Variants in SV2B observed in about 807,000 individuals in gnomAD.
The protein encoded by SV2B is solute carrier family 22 member B2.
In SV2B, 41 loss-of-function variants were observed where a neutral mutation model predicts 73.9. The observed-to-expected ratio is 0.56, with a 90% CI of 0.43 to 0.72. The LOEUF (loss-of-function observed/expected upper bound fraction) is 0.72. Among genes scored for constraint, SV2B ranks in the 30% least tolerant of loss-of-function variants. The pLI, the probability that SV2B is intolerant of heterozygous loss-of-function variation, is 0.00. For missense variants in SV2B, 764 were observed against 857.8 expected (o/e 0.89, Z 1.37); for synonymous variants, 314 against 314.2 (o/e 1.00, Z 0.01).
In SV2B at chr15:91,234,369, G is replaced by A. The variant is rs552610433; in HGVS notation, c.451+7655G>A. Among the ~76,000 whole-genome samples, 5 of 152,176 alleles carry A rather than the reference G, an allele frequency of 3.3e-5. No homozygotes were observed. Among genetic ancestry groups the A allele is most frequent in the Non-Finnish European group, 7.3e-5 (5 of 68,030 alleles). On this transcript the variant is annotated intron_variant, in intron 2 of 12. Transcript: ENST00000394232. This position sits in a 1 kb window ranked among gnomAD's most constrained non-coding sequence, Gnocchi z 5.6. ...TTACAGTGTGGACTGTAGTCATGGAGTTGCAATACCTAAATGCAGTGGGAA... is the reference window on the plus strand; with the variant it reads ...TTACAGTGTGGACTGTAGTCATGGAATTGCAATACCTAAATGCAGTGGGAA...
At chr15:91,255,557 A>G (rs2047655571) in intron 4 of SV2B, among the ~76,000 whole-genome samples, 2 of 152,164 alleles carry the variant, frequency 1.3e-5, no homozygotes, top group Admixed American at 6.5e-5. Context: ...AAATCTCACA[A>G]ATCACCACTA....
chr15:91,269,992 A>G (rs2048240134), intron 9 of SV2B, among the ~76,000 whole-genome samples: 1 of 152,172 alleles, frequency 6.6e-6, no homozygotes, highest in African/African-American at 2.4e-5. Flanking sequence ...CAGTTCCCCC[A>G]AGATGTTTCA....
At chr15:91,153,893 T>G (rs80024110) in intron 1 of SV2B, among the ~76,000 whole-genome samples, 1 of 152,208 alleles carries the variant, frequency 6.6e-6, no homozygotes, top group East Asian at 1.9e-4. Flanking sequence ...AGGCAGGCCA[T>G]GCTGAGGTGT....
rs1399902869 is a variant in SV2B at position 91,245,642 on chromosome 15, G to A, written c.452-6177G>A. On this transcript the variant is annotated intron_variant, in intron 2 of 12. Transcript: ENST00000394232. The surrounding 1 kb of genome is among the most constrained non-coding windows in gnomAD (Gnocchi z 4.2). The stretch of plus-strand genomic sequence containing the variant: ...ATCTCTGTGCTAGAGACACAGTGTC[G>A]AACTCTCCTCAAGCAAAATCAACAT... 6.6e-6 allele frequency among the ~76,000 whole-genome samples: 1 copy of A among 152,086 alleles called. No individual in the cohort carries two copies. The highest frequency in any genetic ancestry group is 1.5e-5 in the Non-Finnish European group (1 of 68,030).
intron 1 of SV2B, among the ~76,000 whole-genome samples, chr15:91,163,267 G>T (rs1239467136): frequency 6.6e-6 from 1 of 152,200 alleles, no homozygotes; most frequent in Admixed American, 6.5e-5. Context: ...TTAACCCTTT[G>T]GGTGTGTACC....
upstream of SV2B, chr15:91,099,845 AAGGGCATGTGG>A (rs1567249859): frequency 6.6e-6 from 1 of 152,232 alleles, no homozygotes; most frequent in Non-Finnish European, 1.5e-5. Flanking sequence ...GAGTGGGTGG[AAGGGCATGTGG>A]AGTCCACAGC....
At chr15:91,266,067 T>C (rs2048089702) in intron 6 of SV2B, among the ~76,000 whole-genome samples, 1 of 152,134 alleles carries the variant, frequency 6.6e-6, no homozygotes. Context: ...CGTTTGAACC[T>C]GGGAGGCAGA....
intron 1 of SV2B, among the ~76,000 whole-genome samples, chr15:91,165,138 A>T (rs550241539): frequency 2.6e-5 from 4 of 152,018 alleles, no homozygotes; most frequent in Non-Finnish European, 4.4e-5. Context: ...GGAGTTTGAG[A>T]CCAGCCTGGC....
chr15:91,118,170 T>C lies in SV2B; in HGVS notation c.-392+17807T>C, dbSNP rs575670629. On this transcript the variant is annotated intron_variant, in intron 1 of 12. Transcript: ENST00000394232. This position sits in a 1 kb window ranked among gnomAD's most constrained non-coding sequence, Gnocchi z 4.7. ...AAAGGGCCTCCAAGAGACTCCCTTATGGGGAGTGGAGATGCTTGCAAAAAG... is the reference window on the plus strand; with the variant it reads ...AAAGGGCCTCCAAGAGACTCCCTTACGGGGAGTGGAGATGCTTGCAAAAAG... Among the ~76,000 whole-genome samples the C allele has an allele frequency of 2.3e-4, 35 of 152,266 alleles. No individual in the cohort carries two copies. The South Asian group carries it at 7.2e-3, about 32-fold the overall frequency.
At chr15:91,291,270 A>G (rs1319217308) in intron 12 of SV2B, among the ~76,000 whole-genome samples, 1 of 151,970 alleles carries the variant, frequency 6.6e-6, no homozygotes, top group Non-Finnish European at 1.5e-5. Context: ...AGTTTATTTA[A>G]AAAAGGACAT....
chr15:91,115,844 C>G lies in SV2B; in HGVS notation c.-392+15481C>G, dbSNP rs1224103293. Among the ~76,000 whole-genome samples the G allele has an allele frequency of 6.6e-6, 1 of 152,110 alleles. No homozygotes were observed. Among genetic ancestry groups the G allele is most frequent in the African/African-American group, 2.4e-5 (1 of 41,412 alleles). Reference sequence around the variant, plus strand: ...TATTTATTCAGCAAATGTTTATTGACTTCTCATTGTGTTAGGCATCAGAGT... The same window carrying G: ...TATTTATTCAGCAAATGTTTATTGAGTTCTCATTGTGTTAGGCATCAGAGT... On this transcript the variant is annotated intron_variant, in intron 1 of 12. Transcript: ENST00000394232. The surrounding 1 kb of genome is among the most constrained non-coding windows in gnomAD (Gnocchi z 4.3).
At chr15:91,113,382 C>T (rs1470304252) in intron 1 of SV2B, among the ~76,000 whole-genome samples, 1 of 152,216 alleles carries the variant, frequency 6.6e-6, no homozygotes, top group African/African-American at 2.4e-5. Flanking sequence ...CAACTACACA[C>T]ATCTTAGAGT....
chr15:91,251,647 C>T (rs1416009877), intron 2 of SV2B, among the ~76,000 whole-genome samples, 172 bp from the exon 3 acceptor site: 1 of 152,238 alleles, frequency 6.6e-6, no homozygotes, highest in Non-Finnish European at 1.5e-5. Context: ...TGTAAAAAGT[C>T]ATATTTGTAT....
intron 1 of SV2B, among the ~76,000 whole-genome samples, chr15:91,102,544 A>G (rs140862620): frequency 3.9e-5 from 6 of 152,314 alleles, no homozygotes; most frequent in African/African-American, 1.4e-4. Context: ...CCATTGCTCT[A>G]TGTGTGGAGA....
Position 91,251,226 on chromosome 15 carries a change from C to T in SV2B, c.452-593C>T, listed in dbSNP as rs61434734. Among the ~76,000 whole-genome samples, 546 of 152,276 alleles carry T rather than the reference C, an allele frequency of 3.6e-3. 1 individual carries two copies. The highest frequency in any genetic ancestry group is 0.012 in the African/African-American group (508 of 41,574). On this transcript the variant is annotated intron_variant, in intron 2 of 12. Coordinates refer to ENST00000394232, the MANE Select transcript of SV2B (RefSeq NM_001323032.3). The stretch of plus-strand genomic sequence containing the variant: ...GAAAAACAGTCTCTTCAATAAATTG[C>T]GTTGAGAAAACTGGATATTACATGC...
intron 2 of SV2B, among the ~76,000 whole-genome samples, chr15:91,237,443 C>A (rs1017771498): frequency 9.9e-5 from 15 of 152,232 alleles, no homozygotes; most frequent in Admixed American, 3.3e-4. Context: ...ACAACCACTG[C>A]ACTAGATGAA....
Position 91,265,231 on chromosome 15 carries a change from C to A in SV2B, c.1009-1351C>A, listed in dbSNP as rs1052346390. 2.0e-5 allele frequency among the ~76,000 whole-genome samples: 3 copies of A among 152,184 alleles called. No individual in the cohort carries two copies. The highest frequency in any genetic ancestry group is 7.2e-5 in the African/African-American group (3 of 41,442). ...TCTTAGTTGATGCCCATGCCGTGAG[C>A]TCTAGGTTTTACCAGCCCTGTTGGC... On this transcript the variant is annotated intron_variant, in intron 6 of 12. Coordinates refer to ENST00000394232, the MANE Select transcript of SV2B (RefSeq NM_001323032.3). This position sits in a 1 kb window ranked among gnomAD's most constrained non-coding sequence, Gnocchi z 4.2.
intron 1 of SV2B, among the ~76,000 whole-genome samples, chr15:91,202,007 T>A (rs2045476320): frequency 6.6e-6 from 1 of 152,242 alleles, no homozygotes; most frequent in East Asian, 1.9e-4. Flanking sequence ...TTTCTGACTT[T>A]GTGCTTGCCC....
chr15:91,178,684 G>A (rs1029478527), intron 1 of SV2B, among the ~76,000 whole-genome samples: 1 of 151,552 alleles, frequency 6.6e-6, no homozygotes, highest in Non-Finnish European at 1.5e-5. Flanking sequence ...TTGCGTAGAG[G>A]TGTTTGTAGT....
Sources: allele counts gnomAD v4.1 joint callset (sites outside exome capture counted in the v4.1 genomes callset), GRCh38; gene constraint gnomAD v4.1.1; non-coding constraint Gnocchi (gnomAD v3.1); transcripts MANE v1.5; gene names NCBI Gene and HGNC (gene_info 2026-07-23, HGNC 2026-07-21).